The following MIA2 variants were observed in gnomAD, a reference collection of about 807,000 sequenced individuals.
MIA2 encodes the protein melanoma inhibitory activity protein 2.
Under a neutral mutation model 167.8 loss-of-function variants are expected in MIA2, and 127 were observed. The observed-to-expected ratio is 0.76, with a 90% CI of 0.66 to 0.88. MIA2 has a LOEUF of 0.88. Among genes scored for constraint, MIA2 ranks in the 40% least tolerant of loss-of-function variants. The pLI is 0.00. For missense variants in MIA2, 1,690 were observed against 1,624.7 expected (o/e 1.04, Z -0.69); for synonymous variants, 552 against 541.9 (o/e 1.02, Z -0.26).
rs75348457 is a variant in MIA2 at position 39,290,170 on chromosome 14, A to G, written c.2131-849A>G. ...TCCAAGTGTTTTTTCTCAGCTTCTG[A>G]TTCTCCTGAAATCTCTGCTTAGTTT... On this transcript the variant is annotated intron_variant, in intron 9 of 28. Coordinates refer to ENST00000640607, the MANE Select transcript of MIA2 (RefSeq NM_001329214.4). Among the ~76,000 whole-genome samples, 947 of 152,206 alleles carry G rather than the reference A, an allele frequency of 6.2e-3. 4 individuals are homozygous for G. The highest frequency in any genetic ancestry group is 0.011 in the Non-Finnish European group (730 of 68,016).
intron 24 of MIA2, among the ~76,000 whole-genome samples, chr14:39,324,770 C>G (rs908434220): frequency 1.6e-4 from 24 of 152,086 alleles, no homozygotes; most frequent in African/African-American, 4.6e-4. Context: ...CTGTACCCAG[C>G]TAATTTTTGT....
chr14:39,267,688 C>G (rs1427574616), intron 6 of MIA2, among the ~76,000 whole-genome samples: 2 of 152,208 alleles, frequency 1.3e-5, no homozygotes, highest in African/African-American at 4.8e-5. Context: ...AGTAGTTAGG[C>G]TCGTAGGGCG....
chr14:39,237,842 C>A (rs983203994), intron 2 of MIA2, among the ~76,000 whole-genome samples: 1 of 152,094 alleles, frequency 6.6e-6, no homozygotes, highest in Non-Finnish European at 1.5e-5. Context: ...CAGGTTCAAG[C>A]AACTCTCCTG....
At chr14:39,353,379 A>T (rs1057018825), downstream of MIA2, among the ~76,000 whole-genome samples, 3 of 152,084 alleles carry the variant, frequency 2.0e-5, no homozygotes, top group Non-Finnish European at 2.9e-5. Flanking sequence ...GGTATCTATC[A>T]TTCTATTCTC....
At chr14:39,369,971 AT>A (rs2074902827) in intron 23 of MIA2, among the ~76,000 whole-genome samples, 2 of 152,322 alleles carry the variant, frequency 1.3e-5, no homozygotes, top group Non-Finnish European at 2.9e-5. Flanking sequence ...GCAGACTGTC[AT>A]TTGCAGAGGA....
At position 39,331,776 on chromosome 14, in the gene MIA2, G is replaced by A. The variant is rs574263137; in HGVS notation, c.3655+4754G>A. 5.9e-5 allele frequency among the ~76,000 whole-genome samples: 9 copies of A among 152,226 alleles called. No individual in the cohort carries two copies. The South Asian group carries it at 1.9e-3, about 32-fold the overall frequency. ...AAATTCTTTAAGAATATTGCATATT[G>A]GCCCCCATTCTCTTCTGGCTTGTAG... On this transcript the variant is annotated intron_variant, in intron 25 of 28. Transcript: ENST00000640607.
intron 6 of MIA2, among the ~76,000 whole-genome samples, chr14:39,263,898 T>TCCCAATCACA (rs2055278292): frequency 1.3e-5 from 2 of 152,168 alleles, no homozygotes; most frequent in Non-Finnish European, 2.9e-5. Context: ...CCTCCCAAAG[T>TCCCAATCACA]GCTGGGATTA....
intron 23 of MIA2, among the ~76,000 whole-genome samples, chr14:39,368,835 T>C (rs746690507): frequency 3.3e-5 from 5 of 152,086 alleles, no homozygotes; most frequent in African/African-American, 7.2e-5. Context: ...ATTTTTATTA[T>C]ACTTGTTTCT....
At chr14:39,266,311 C>T in intron 6 of MIA2, 2 of 985,342 alleles carry the variant, frequency 2.0e-6, no homozygotes, top group Non-Finnish European at 2.4e-6. Flanking sequence ...AAACCGTCTC[C>T]TACGAACAAA....
chr14:39,313,371 GAGAA>G lies in MIA2; in HGVS notation c.3054_3057del (p.Glu1019ArgfsTer6). Reference sequence around the variant, plus strand: ...AACAGTAGAGGAAAATTATCGGTTAGAGAAAGAAGAGAAACTTTCTAAAGTAGAT... The same window carrying G: ...AACAGTAGAGGAAAATTATCGGTTAGAGAAGAGAAACTTTCTAAAGTAGAT... On this transcript the variant is annotated frameshift_variant, in exon 19 of 29. Transcript: ENST00000640607. LOFTEE classifies it high-confidence loss of function. The G allele has an allele frequency of 6.2e-7, 1 of 1,601,134 alleles. No individual in the cohort carries two copies. Among genetic ancestry groups the G allele is most frequent in the Admixed American group, 1.7e-5 (1 of 58,630 alleles).
At chr14:39,309,630 C>T (rs2152922109) in intron 18 of MIA2, among the ~76,000 whole-genome samples, 1 of 152,284 alleles carries the variant, frequency 6.6e-6, no homozygotes, top group East Asian at 1.9e-4. Flanking sequence ...TCTTTATTCC[C>T]TTATTTTGCC....
At chr14:39,359,394 G>T (rs62000716) in intron 23 of MIA2, among the ~76,000 whole-genome samples, 1 of 152,144 alleles carries the variant, frequency 6.6e-6, no homozygotes, top group Admixed American at 6.6e-5. Context: ...TGATAAGACC[G>T]TTGGAAAAAC....
intron 15 of MIA2, 128 bp from the exon 16 acceptor site, chr14:39,303,350 T>A (rs1043487936): frequency 1.5e-6 from 1 of 681,118 alleles, no homozygotes; most frequent in African/African-American, 1.8e-5. Context: ...TTATACCAAA[T>A]TCTTTATTGT....
At chr14:39,286,318 G>C (rs961643396) in intron 9 of MIA2, among the ~76,000 whole-genome samples, 1 of 151,740 alleles carries the variant, frequency 6.6e-6, no homozygotes, top group Non-Finnish European at 1.5e-5. Flanking sequence ...GGTGGCGCGC[G>C]CCTGCAATTG....
intron 23 of MIA2, chr14:39,370,508 T>C: frequency 3.5e-6 from 1 of 286,978 alleles, no homozygotes; most frequent in Non-Finnish European, 7.4e-6. Context: ...CCCATCACTT[T>C]GTAGGCCAGA....
At chr14:39,258,712 C>T (rs1187658293) in intron 6 of MIA2, among the ~76,000 whole-genome samples, 2 of 152,192 alleles carry the variant, frequency 1.3e-5, no homozygotes, top group Non-Finnish European at 2.9e-5. Flanking sequence ...TTTTCCTTAT[C>T]TTCATGGATT....
At chr14:39,297,104 A>AT (rs1240475064) in intron 13 of MIA2, among the ~76,000 whole-genome samples, 2 of 144,676 alleles carry the variant, frequency 1.4e-5, no homozygotes, top group African/African-American at 2.6e-5. Flanking sequence ...TAGGATATAT[A>AT]TTTTTTTTGT....
At chr14:39,387,063 C>T in exon 24 of MIA2, 3 of 679,820 alleles carry the variant, frequency 4.4e-6, no homozygotes, top group Non-Finnish European at 7.5e-6. Context: ...GGCGGGTAAT[C>T]AAATTGAAGC....
intron 17 of MIA2, among the ~76,000 whole-genome samples, chr14:39,304,813 A>G (rs1365240665): frequency 6.6e-6 from 1 of 152,140 alleles, no homozygotes; most frequent in Non-Finnish European, 1.5e-5. Flanking sequence ...TACGAGAGTG[A>G]TGTTAGACCT....
Sources: gnomAD v4.1 joint callset for allele counts (sites outside exome capture counted in the v4.1 genomes callset) on GRCh38, gnomAD v4.1.1 for gene constraint, MANE v1.5 for transcripts, NCBI Gene and HGNC (gene_info 2026-07-23, HGNC 2026-07-21) for gene names.